SGCZ: variants seen among roughly 807,000 people sequenced by gnomAD.
The protein encoded by SGCZ is sarcoglycan zeta.
A neutral mutation model predicts 41.3 loss-of-function variants in SGCZ; 40 were observed. The ratio of observed to expected loss-of-function variants is 0.97; its 90% CI spans 0.75 to 1.26. The LOEUF (loss-of-function observed/expected upper bound fraction) is 1.26. Among genes scored for constraint, SGCZ ranks in the 50% most tolerant of loss-of-function variants. The pLI is 0.00. For missense variants in SGCZ, 552 were observed against 369.8 expected (o/e 1.49, Z -4.04); for synonymous variants, 206 against 137.5 (o/e 1.50, Z -3.49).
rs1244072607 is a variant in SGCZ at position 14,646,725 on chromosome 8, T to TA, written c.40-91800dup. Among the ~76,000 whole-genome samples, 4 of 151,884 alleles carry TA rather than the reference T, an allele frequency of 2.6e-5. 1 individual carries two copies. Among genetic ancestry groups the TA allele is most frequent in the East Asian group, 3.9e-4 (2 of 5,170 alleles). The stretch of plus-strand genomic sequence containing the variant: ...CTTTGGAAAATACTAGTAGAAATAT[T>TA]AAAAAAATGACATTACTTATTAAAA... On this transcript the variant is annotated intron_variant, in intron 1 of 7. Coordinates refer to ENST00000382080, the MANE Select transcript of SGCZ (RefSeq NM_139167.4).
intron 1 of SGCZ, among the ~76,000 whole-genome samples, chr8:14,566,679 G>A (rs536623359): frequency 2.0e-5 from 3 of 152,218 alleles, no homozygotes; most frequent in East Asian, 1.9e-4. Flanking sequence ...CACAGCCCTC[G>A]CTCGCTCTCG....
intron 1 of SGCZ, among the ~76,000 whole-genome samples, chr8:14,776,684 G>C (rs948460333): frequency 6.6e-6 from 1 of 151,428 alleles, no homozygotes; most frequent in Non-Finnish European, 1.5e-5. Context: ...TAGTAGAGGC[G>C]GGGTTTCACC....
chr8:14,458,381 C>T (rs576025894), intron 2 of SGCZ, among the ~76,000 whole-genome samples: 53 of 152,036 alleles, frequency 3.5e-4, no homozygotes, highest in Non-Finnish European at 2.6e-4. Context: ...TATTGAACTC[C>T]AGTAAGTAAA....
intron 2 of SGCZ, among the ~76,000 whole-genome samples, chr8:14,372,364 T>C (rs760573092): frequency 6.6e-6 from 1 of 152,202 alleles, no homozygotes; most frequent in Non-Finnish European, 1.5e-5. Context: ...CATTCATTCT[T>C]TTGTTGAACA....
intron 2 of SGCZ, among the ~76,000 whole-genome samples, chr8:14,464,637 T>C (rs1487254872): frequency 4.0e-5 from 6 of 151,506 alleles, no homozygotes; most frequent in Admixed American, 2.0e-4. Flanking sequence ...TCTGTTACTT[T>C]TGGGTTTAGT....
intron 1 of SGCZ, among the ~76,000 whole-genome samples, chr8:15,051,541 G>A (rs931991791): frequency 4.6e-5 from 7 of 152,106 alleles, no homozygotes; most frequent in Non-Finnish European, 1.0e-4. Flanking sequence ...GATTGGAATT[G>A]TGGAGTGCTA....
chr8:14,195,634 C>T (rs146741488), intron 4 of SGCZ, among the ~76,000 whole-genome samples: 44 of 152,092 alleles, frequency 2.9e-4, no homozygotes, highest in African/African-American at 1.0e-3. Flanking sequence ...GTGATGGAGT[C>T]AAAATTTTAA....
At chr8:14,864,894 G>C (rs1381471741) in intron 1 of SGCZ, among the ~76,000 whole-genome samples, 1 of 151,814 alleles carries the variant, frequency 6.6e-6, no homozygotes, top group Non-Finnish European at 1.5e-5. Context: ...TCCTATATTG[G>C]TTTTGATTTT....
chr8:14,848,287 A>T (rs1014025537), intron 1 of SGCZ, among the ~76,000 whole-genome samples: 1 of 152,198 alleles, frequency 6.6e-6, no homozygotes, highest in African/African-American at 2.4e-5. Flanking sequence ...ATTCTCCCCA[A>T]ATGGGTCCAT....
intron 5 of SGCZ, among the ~76,000 whole-genome samples, chr8:14,108,794 C>T (rs1051819233): frequency 1.3e-5 from 2 of 152,118 alleles, no homozygotes; most frequent in Admixed American, 6.5e-5. Flanking sequence ...ATTATATTAA[C>T]CAATTTTAAA....
chr8:14,222,490 T>C (rs1286606271), intron 4 of SGCZ, among the ~76,000 whole-genome samples: 1 of 151,766 alleles, frequency 6.6e-6, no homozygotes, highest in Admixed American at 6.6e-5. Flanking sequence ...TTTTAGGGGG[T>C]GTTGACCTCC....
chr8:14,577,748 A>G (rs139464556), intron 1 of SGCZ, among the ~76,000 whole-genome samples: 2 of 152,306 alleles, frequency 1.3e-5, no homozygotes, highest in Admixed American at 6.5e-5. Flanking sequence ...TGCTCATAAT[A>G]AAGTAACATT....
intron 1 of SGCZ, among the ~76,000 whole-genome samples, chr8:15,117,054 T>G (rs991098552): frequency 6.6e-6 from 1 of 152,234 alleles, no homozygotes; most frequent in African/African-American, 2.4e-5. Flanking sequence ...TGTAACAATT[T>G]ATTTCAATTA....
chr8:15,038,836 A>AAAAAG (rs1803969495), intron 1 of SGCZ, among the ~76,000 whole-genome samples: 8 of 145,416 alleles, frequency 5.5e-5, no homozygotes, highest in African/African-American at 2.1e-4. Context: ...AAAAAAAAAA[A>AAAAAG]AAAGAAAGAA....
intron 2 of SGCZ, among the ~76,000 whole-genome samples, chr8:14,435,435 C>T (rs1800061466): frequency 6.6e-6 from 1 of 152,136 alleles, no homozygotes; most frequent in Non-Finnish European, 1.5e-5. Context: ...ATTGTTTACA[C>T]ACATGGCTCC....
chr8:14,530,042 A>C (rs1030366932), intron 2 of SGCZ, among the ~76,000 whole-genome samples: 2 of 152,098 alleles, frequency 1.3e-5, no homozygotes, highest in Non-Finnish European at 2.9e-5. Context: ...AAATATTTAA[A>C]CATCCTTAAT....
intron 1 of SGCZ, among the ~76,000 whole-genome samples, chr8:14,778,872 G>A (rs1379212413): frequency 6.6e-6 from 1 of 152,158 alleles, no homozygotes; most frequent in African/African-American, 2.4e-5. Flanking sequence ...AGCATTCCTG[G>A]AGTGTAAAGT....
chr8:14,405,469 A>G (rs1799187838), intron 2 of SGCZ, among the ~76,000 whole-genome samples: 1 of 152,210 alleles, frequency 6.6e-6, no homozygotes, highest in Non-Finnish European at 1.5e-5. Context: ...CAATGTGCAC[A>G]TCATCGGTTA....
At chr8:15,049,940 A>G (rs187440025) in intron 1 of SGCZ, among the ~76,000 whole-genome samples, 1 of 152,218 alleles carries the variant, frequency 6.6e-6, no homozygotes, top group East Asian at 1.9e-4. Flanking sequence ...CTCCACAGCC[A>G]TCTGAAACTG....
Sources: allele counts gnomAD v4.1 joint callset (sites outside exome capture counted in the v4.1 genomes callset), GRCh38; gene constraint gnomAD v4.1.1; transcripts MANE v1.5; gene names NCBI Gene and HGNC (gene_info 2026-07-23, HGNC 2026-07-21).